The following PYHIN1 variants were observed in gnomAD, a reference collection of about 807,000 sequenced individuals.
PYHIN1 encodes the protein pyrin and HIN domain-containing protein 1.
PYHIN1 carries 32 observed loss-of-function variants against 43.7 expected under a neutral mutation model. That is an observed-to-expected ratio of 0.73 (90% CI 0.55 to 0.98). PYHIN1 has a LOEUF of 0.98. PYHIN1 is among the 50% of genes least tolerant of loss of function. PYHIN1 has a pLI of 0.00. For synonymous variants in PYHIN1, 205 were observed against 203.1 expected, an observed-to-expected ratio of 1.01 and a Z score of -0.08; for missense variants, 588 against 589.5, an observed-to-expected ratio of 1.00 and a Z score of 0.03.
Position 158,938,386 on chromosome 1 carries a change from T to C in PYHIN1, c.266-11T>C, listed in dbSNP as rs2101648524. 5 of 1,614,102 alleles carry C rather than the reference T, an allele frequency of 3.1e-6. No individual in the cohort carries two copies. Among genetic ancestry groups the C allele is most frequent in the Non-Finnish European group, 4.2e-6 (5 of 1,179,956 alleles). On this transcript the variant is annotated splice_polypyrimidine_tract_variant and intron_variant, in intron 2 of 8. Transcript: ENST00000368140. ...CTCTGGGTTTATACATCTTCCTTTT[T>C]TCTGCATTAGTTGCAAATAAAATTG...
chr1:158,937,499 A>G (rs1183279989), intron 2 of PYHIN1, among the ~76,000 whole-genome samples: 2 of 152,230 alleles, frequency 1.3e-5, no homozygotes, highest in Non-Finnish European at 2.9e-5. Context: ...TATCTGAGAT[A>G]TGTACATTTA....
rs904305809 is a variant in PYHIN1 at position 158,971,320 on chromosome 1, G to C, written c.1360-2327G>C. On this transcript the variant is annotated intron_variant, in intron 7 of 8. Coordinates refer to ENST00000368140, the MANE Select transcript of PYHIN1 (RefSeq NM_152501.5). ...GTCCTTAATTATTTTCCTTAGTAAAGAGAGTGATTTGATATTGGAAGTAGA... is the reference window on the plus strand; with the variant it reads ...GTCCTTAATTATTTTCCTTAGTAAACAGAGTGATTTGATATTGGAAGTAGA... 3.9e-5 allele frequency among the ~76,000 whole-genome samples: 6 copies of C among 151,950 alleles called. No individual in the cohort carries two copies. In the East Asian group the frequency reaches 1.2e-3, roughly 29 times the overall value.
intron 4 of PYHIN1, chr1:158,939,709 C>A (rs963570149): frequency 7.3e-5 from 44 of 602,020 alleles, no homozygotes; most frequent in Non-Finnish European, 1.0e-4. Flanking sequence ...AGGGAATCCT[C>A]ACTTAGACCC....
intron 7 of PYHIN1, among the ~76,000 whole-genome samples, chr1:158,973,046 T>C (rs1651026390): frequency 6.6e-6 from 1 of 152,158 alleles, no homozygotes. Flanking sequence ...CACAGCACCC[T>C]CTATCAGCAG....
At position 158,973,785 on chromosome 1, in the gene PYHIN1, A is replaced by G. The variant is rs369563079; in HGVS notation, c.*5+14A>G. On this transcript the variant is annotated intron_variant, in intron 8 of 8. Coordinates refer to ENST00000368140, the MANE Select transcript of PYHIN1 (RefSeq NM_152501.5). ...TCCTTAAATAAGGTACCACCTTTCT[A>G]TTTGCATTGCTGTACCTCTAAAATA... 1.2e-6 allele frequency: 2 copies of G among 1,612,312 alleles called. No homozygotes were observed. The highest frequency in any genetic ancestry group is 1.3e-5 in the African/African-American group (1 of 74,786).
chr1:158,951,792 A>G (rs1262775143), intron 7 of PYHIN1, among the ~76,000 whole-genome samples: 1 of 152,160 alleles, frequency 6.6e-6, no homozygotes, highest in Non-Finnish European at 1.5e-5. Flanking sequence ...TTTGCTCTTA[A>G]TTGCTCCTTA....
At chr1:158,964,405 A>G (rs1021834906) in intron 7 of PYHIN1, among the ~76,000 whole-genome samples, 1 of 152,208 alleles carries the variant, frequency 6.6e-6, no homozygotes, top group Admixed American at 6.5e-5. Flanking sequence ...CAAAAAGACC[A>G]TCCCCAAGAC....
downstream of PYHIN1, among the ~76,000 whole-genome samples, chr1:158,980,389 G>A (rs12410902): frequency 2.0e-5 from 3 of 152,044 alleles, no homozygotes; most frequent in Non-Finnish European, 2.9e-5. Context: ...GACTGCCTGC[G>A]GGTTTGGGCA....
At chr1:158,964,221 G>C (rs77960855) in intron 7 of PYHIN1, among the ~76,000 whole-genome samples, 1 of 152,176 alleles carries the variant, frequency 6.6e-6, no homozygotes, top group African/African-American at 2.4e-5. Flanking sequence ...AGAAAAATGG[G>C]ATTATGTAAA....
At chr1:158,949,990 G>A (rs1332868934) in intron 7 of PYHIN1, among the ~76,000 whole-genome samples, 1 of 152,308 alleles carries the variant, frequency 6.6e-6, no homozygotes, top group East Asian at 1.9e-4. Context: ...CACAGTGGAA[G>A]GATAGTGGAG....
intron 2 of PYHIN1, 36 bp downstream of exon 2, chr1:158,937,211 G>A (rs1018636727): frequency 6.5e-7 from 1 of 1,530,198 alleles, no homozygotes; most frequent in East Asian, 2.3e-5. Flanking sequence ...TCCCTGCAAT[G>A]ATCCCCACCC....
intron 5 of PYHIN1, among the ~76,000 whole-genome samples, chr1:158,942,658 G>A (rs856081): frequency 0.96 from 146,403 of 152,300 alleles, 70,648 homozygotes; most frequent in East Asian, 1. Flanking sequence ...TTCATCAGCT[G>A]TGACTATCTA....
chr1:158,947,947 C>G (rs1282090331), intron 7 of PYHIN1, among the ~76,000 whole-genome samples: 1 of 152,222 alleles, frequency 6.6e-6, no homozygotes, highest in Non-Finnish European at 1.5e-5. Flanking sequence ...AGCCATAGCC[C>G]TATCTTGAGA....
At chr1:158,988,971 C>A in the PYHIN1 span, among the ~76,000 whole-genome samples, 1 of 152,108 alleles carries the variant, frequency 6.6e-6, no homozygotes, top group African/African-American at 2.4e-5. Context: ...TCAGCCTGTA[C>A]CAAAGGATGT....
At chr1:158,953,430 G>C (rs560169202) in intron 7 of PYHIN1, among the ~76,000 whole-genome samples, 3 of 148,838 alleles carry the variant, frequency 2.0e-5, no homozygotes, top group Non-Finnish European at 4.5e-5. Context: ...CCTCCTCAAG[G>C]GGGTCCCTGA....
At chr1:158,967,786 G>T (rs1380393891) in intron 7 of PYHIN1, among the ~76,000 whole-genome samples, 2 of 151,808 alleles carry the variant, frequency 1.3e-5, no homozygotes, top group Non-Finnish European at 2.9e-5. Context: ...CAGAAATAAG[G>T]CCGCCCACCT....
chr1:158,980,717 A>C (rs1174332216), downstream of PYHIN1, among the ~76,000 whole-genome samples: 1 of 152,140 alleles, frequency 6.6e-6, no homozygotes, highest in Non-Finnish European at 1.5e-5. Flanking sequence ...GATGTTTATC[A>C]AGACAATACA....
intron 4 of PYHIN1, 145 bp from the exon 5 acceptor site, chr1:158,941,832 T>A: frequency 1.5e-6 from 1 of 650,894 alleles, no homozygotes. Context: ...CTTCAGAATA[T>A]CCTCTCCTTC....
At chr1:158,952,101 T>A (rs1237963102) in intron 7 of PYHIN1, among the ~76,000 whole-genome samples, 1 of 144,242 alleles carries the variant, frequency 6.9e-6, no homozygotes, top group East Asian at 2.1e-4. Context: ...CGCTTTTGCC[T>A]GTGTCGGTTT....
Sources: allele counts gnomAD v4.1 joint callset (sites outside exome capture counted in the v4.1 genomes callset), GRCh38; gene constraint gnomAD v4.1.1; transcripts MANE v1.5; gene names NCBI Gene and HGNC (gene_info 2026-07-23, HGNC 2026-07-21).